The following CPEB3 variants were observed in gnomAD, a reference collection of about 807,000 sequenced individuals.
The protein encoded by CPEB3 is cytoplasmic polyadenylation element binding protein 3, also known as cytoplasmic polyadenylation element-binding protein 3.
In CPEB3, 20 loss-of-function variants were observed where a neutral mutation model predicts 67.2. That is an observed-to-expected ratio of 0.30 (90% CI 0.21 to 0.43). The LOEUF (loss-of-function observed/expected upper bound fraction) is 0.43. Among genes scored for constraint, CPEB3 ranks in the 20% least tolerant of loss-of-function variants. The pLI, the probability that CPEB3 is intolerant of heterozygous loss-of-function variation, is 1.00. For synonymous variants in CPEB3, 376 were observed against 393.1 expected, an observed-to-expected ratio of 0.96 and a Z score of 0.51; for missense variants, 746 against 968.6, an observed-to-expected ratio of 0.77 and a Z score of 3.05.
intron 1 of CPEB3, among the ~76,000 whole-genome samples, chr10:92,273,123 C>T (rs1332156866): frequency 6.6e-6 from 1 of 152,074 alleles, no homozygotes; most frequent in Non-Finnish European, 1.5e-5. Context: ...AAGGATGACT[C>T]CAGGAGAACT....
intron 1 of CPEB3, among the ~76,000 whole-genome samples, chr10:92,245,043 G>A (rs1273854957): frequency 6.6e-6 from 1 of 151,374 alleles, no homozygotes; most frequent in Non-Finnish European, 1.5e-5. Flanking sequence ...AATCAGAACT[G>A]AAGTATTACC....
intron 6 of CPEB3, among the ~76,000 whole-genome samples, chr10:92,114,535 G>A (rs1023470404): frequency 1.3e-5 from 2 of 152,228 alleles, no homozygotes; most frequent in South Asian, 4.1e-4. Context: ...TAGTAGCTAT[G>A]TGATAATAAC....
chr10:92,134,168 G>A (rs1382959180), intron 6 of CPEB3, among the ~76,000 whole-genome samples: 6 of 152,238 alleles, frequency 3.9e-5, no homozygotes, highest in African/African-American at 1.2e-4. Context: ...TCTGGCCAGG[G>A]CAATCAGGCA....
At chr10:92,283,751 A>G (rs1281802165) in intron 1 of CPEB3, among the ~76,000 whole-genome samples, 3 of 139,442 alleles carry the variant, frequency 2.2e-5, no homozygotes, top group Non-Finnish European at 1.5e-5. Flanking sequence ...TTTTGAGACA[A>G]GGTCTCACTC....
chr10:92,199,511 T>G (rs1440057213), intron 2 of CPEB3, among the ~76,000 whole-genome samples: 3 of 150,564 alleles, frequency 2.0e-5, no homozygotes, highest in African/African-American at 7.3e-5. Flanking sequence ...GCTAACACGG[T>G]GAAACCCCGT....
chr10:92,138,155 C>T, intron 6 of CPEB3: 1 of 196,148 alleles, frequency 5.1e-6, no homozygotes, highest in South Asian at 1.1e-4. Flanking sequence ...TACCACTGAC[C>T]CGCAGCCAGA....
intron 9 of CPEB3, among the ~76,000 whole-genome samples, chr10:92,057,747 G>A (rs879402191): frequency 5.3e-5 from 8 of 152,206 alleles, no homozygotes; most frequent in Non-Finnish European, 8.8e-5. Flanking sequence ...AGGTGGCTGA[G>A]AACAGAGAGA....
chr10:92,283,833 T>C (rs1188530846), intron 1 of CPEB3, among the ~76,000 whole-genome samples: 1 of 147,700 alleles, frequency 6.8e-6, no homozygotes, highest in African/African-American at 2.5e-5. Flanking sequence ...TTCAAGCAAT[T>C]CTCCTGCCTC....
At chr10:92,160,329 AC>A (rs1447205638) in intron 4 of CPEB3, among the ~76,000 whole-genome samples, 2 of 152,170 alleles carry the variant, frequency 1.3e-5, no homozygotes, top group Non-Finnish European at 2.9e-5. Context: ...AATTTAAGGG[AC>A]TTTTATACTG....
At chr10:92,066,708 C>A (rs1305443933) in intron 9 of CPEB3, among the ~76,000 whole-genome samples, 1 of 152,120 alleles carries the variant, frequency 6.6e-6, no homozygotes, top group Non-Finnish European at 1.5e-5. Context: ...TTTCTGGTCG[C>A]TAAAGCAGGG....
intron 1 of CPEB3, among the ~76,000 whole-genome samples, chr10:92,261,359 T>C (rs970369509): frequency 4.6e-5 from 7 of 152,136 alleles, no homozygotes; most frequent in African/African-American, 1.4e-4. Flanking sequence ...AAGACTGAAA[T>C]TTAGACCATG....
At chr10:92,074,144 C>T (rs1323055104) in intron 9 of CPEB3, among the ~76,000 whole-genome samples, 1 of 151,230 alleles carries the variant, frequency 6.6e-6, no homozygotes, top group Non-Finnish European at 1.5e-5. Context: ...TGAGATCTCG[C>T]TACATTGCCC....
chr10:92,229,799 C>T (rs981403633), intron 2 of CPEB3, among the ~76,000 whole-genome samples: 4 of 152,216 alleles, frequency 2.6e-5, no homozygotes, highest in African/African-American at 9.6e-5. Flanking sequence ...AATCCCAACA[C>T]TTTGGGAGGC....
intron 1 of CPEB3, among the ~76,000 whole-genome samples, chr10:92,250,564 C>A (rs1256111405): frequency 1.3e-5 from 2 of 152,060 alleles, no homozygotes; most frequent in Non-Finnish European, 2.9e-5. Flanking sequence ...AAATCCTACG[C>A]CTTCACATTC....
At chr10:92,110,149 A>G (rs992608223) in intron 7 of CPEB3, among the ~76,000 whole-genome samples, 2 of 152,174 alleles carry the variant, frequency 1.3e-5, no homozygotes, top group African/African-American at 2.4e-5. Context: ...TCTATATTCA[A>G]TCCAACTATT....
At chr10:92,149,115 G>A (rs1474029330) in intron 4 of CPEB3, among the ~76,000 whole-genome samples, 1 of 152,076 alleles carries the variant, frequency 6.6e-6, no homozygotes, top group Non-Finnish European at 1.5e-5. Flanking sequence ...TGGCCAGGCT[G>A]GTCTTGAACT....
chr10:92,093,426 T>C (rs892062901), intron 7 of CPEB3, among the ~76,000 whole-genome samples: 4 of 152,162 alleles, frequency 2.6e-5, no homozygotes, highest in Non-Finnish European at 5.9e-5. Flanking sequence ...ACTTGAAAGG[T>C]AGCACCTGTG....
At chr10:92,052,590 G>A (rs1841937869) in intron 9 of CPEB3, 151 bp from the exon 10 acceptor site, 1 of 644,866 alleles carries the variant, frequency 1.6e-6, no homozygotes, top group Non-Finnish European at 2.7e-6. Context: ...TGAGAGCATG[G>A]GCTTTGGAAT....
intron 9 of CPEB3, among the ~76,000 whole-genome samples, chr10:92,072,354 T>C (rs982396959): frequency 2.0e-5 from 3 of 151,662 alleles, no homozygotes; most frequent in Non-Finnish European, 4.4e-5. Flanking sequence ...ATAAATACTT[T>C]AAAAGGAAAA....
Sources: gnomAD v4.1 joint callset for allele counts (sites outside exome capture counted in the v4.1 genomes callset) on GRCh38, gnomAD v4.1.1 for gene constraint, MANE v1.5 for transcripts, NCBI Gene and HGNC (gene_info 2026-07-23, HGNC 2026-07-21) for gene names.